The following ZNF577 variants were observed in gnomAD, a reference collection of about 807,000 sequenced individuals.
ZNF577 encodes the protein zinc finger protein 577.
Under a neutral mutation model 13.9 loss-of-function variants are expected in ZNF577, and 14 were observed. The observed-to-expected ratio is 1.00, with a 90% confidence interval of 0.66 to 1.57. The LOEUF (loss-of-function observed/expected upper bound fraction) is 1.57, where lower values mean the gene tolerates loss of function less well. Among genes scored for constraint, ZNF577 ranks in the 40% most tolerant of loss-of-function variants. The pLI is 0.00. For synonymous variants in ZNF577, 203 were observed against 202.9 expected, an observed-to-expected ratio of 1.00 and a Z score of 0.00; for missense variants, 555 against 579.2, an observed-to-expected ratio of 0.96 and a Z score of 0.43.
intron 10 of ZNF577, among the ~76,000 whole-genome samples, chr19:51,808,855 T>A (rs1004699292): frequency 2.0e-5 from 3 of 152,222 alleles, no homozygotes; most frequent in African/African-American, 7.2e-5. Context: ...GTGTCCGGCA[T>A]CCCATTGTTC....
intron 5 of ZNF577, among the ~76,000 whole-genome samples, chr19:51,850,251 T>G (rs2084373155): frequency 6.6e-6 from 1 of 152,188 alleles, no homozygotes. Flanking sequence ...ATGCCAGATA[T>G]GCTAACAATA....
downstream of ZNF577, among the ~76,000 whole-genome samples, chr19:51,864,630 G>C (rs931771727): frequency 2.6e-5 from 4 of 152,156 alleles, no homozygotes; most frequent in African/African-American, 4.8e-5. Context: ...AAATGGACTG[G>C]ATTTGTGGGA....
chr19:51,824,167 G>A lies in ZNF577; in HGVS notation c.*600-12493C>T, dbSNP rs762807147. On this transcript the variant is annotated intron_variant and NMD_transcript_variant, in intron 9 of 10. Transcript: ENST00000638827. The surrounding 1 kb of genome is among the most constrained non-coding windows in gnomAD (Gnocchi z 4.7). ...TGGGCCCAGAACCATCGCACCATGA[G>A]TCTGGCCAAGAGGGTGATGACGGGA... 4 of 1,613,974 alleles carry A rather than the reference G, an allele frequency of 2.5e-6. No homozygotes were observed. Among genetic ancestry groups the A allele is most frequent in the Non-Finnish European group, 2.5e-6 (3 of 1,180,006 alleles).
At chr19:51,861,268 A>AC (rs11386472) in intron 5 of ZNF577, 45,218 of 180,108 alleles carry the variant, frequency 0.25, 8,340 homozygotes, top group African/African-American at 0.53. Context: ...ACAGGTGTGC[A>AC]CACCACACCT....
At chr19:51,842,291 T>C (rs766841461) in intron 8 of ZNF577, among the ~76,000 whole-genome samples, 1 of 152,200 alleles carries the variant, frequency 6.6e-6, no homozygotes, top group Admixed American at 6.5e-5. Flanking sequence ...ACTCATCTGC[T>C]AGAAAGTTAA....
chr19:51,807,029 A>G (rs2084063740), intron 10 of ZNF577, among the ~76,000 whole-genome samples: 1 of 152,200 alleles, frequency 6.6e-6, no homozygotes, highest in Admixed American at 6.5e-5. Flanking sequence ...TATGGTTGAC[A>G]ATGTTGATTG....
intron 5 of ZNF577, chr19:51,861,952 C>T (rs2084507927): frequency 6.6e-6 from 1 of 151,560 alleles, no homozygotes; most frequent in South Asian, 2.1e-4. Context: ...ACAAAACCTT[C>T]CCACATCCAC....
At chr19:51,882,888 A>C (rs144281951) in intron 1 of ZNF577, among the ~76,000 whole-genome samples, 1,799 of 152,258 alleles carry the variant, frequency 0.012, 39 homozygotes, top group African/African-American at 0.041. Flanking sequence ...GGAGGAATGA[A>C]GCAGGGAGGA....
chr19:51,834,409 T>C (rs2084278170), intron 9 of ZNF577, among the ~76,000 whole-genome samples: 1 of 152,162 alleles, frequency 6.6e-6, no homozygotes, highest in African/African-American at 2.4e-5. Context: ...TAATACCCAA[T>C]ATAATTCTTT....
chr19:51,842,531 G>A (rs930667565), intron 8 of ZNF577, among the ~76,000 whole-genome samples: 2 of 152,126 alleles, frequency 1.3e-5, no homozygotes, highest in Non-Finnish European at 2.9e-5. Flanking sequence ...CCAGATACTG[G>A]TACCCTGATC....
chr19:51,873,715 G>C lies in ZNF577; in HGVS notation c.284-9C>G, dbSNP rs1227753788. ...ACTCTGGATTACAAAACCTAAATGA[G>C]ATTTCAAACTTTTACAATGCGAGCC... is the stretch of plus-strand genomic sequence containing the variant. On this transcript the variant is annotated splice_polypyrimidine_tract_variant and intron_variant, in intron 5 of 5. Coordinates refer to ENST00000638348, the MANE Select transcript of ZNF577 (RefSeq NM_001370449.1). The C allele has an allele frequency of 1.3e-6, 2 of 1,585,664 alleles. No homozygotes were observed. The highest frequency in any genetic ancestry group is 2.3e-5 in the South Asian group (2 of 87,624).
chr19:51,845,636 T>G (rs1356520051), intron 5 of ZNF577, among the ~76,000 whole-genome samples: 2 of 152,130 alleles, frequency 1.3e-5, no homozygotes, highest in Non-Finnish European at 2.9e-5. Context: ...ACCCTCTCCC[T>G]CCCCCAGCCT....
chr19:51,821,396 A>AG (rs1434590291), intron 9 of ZNF577, among the ~76,000 whole-genome samples: 16 of 152,154 alleles, frequency 1.1e-4, no homozygotes. Context: ...TCACTCCTGA[A>AG]GGGGGAGTTG....
At chr19:51,822,302 G>A (rs1162557623) in intron 9 of ZNF577, among the ~76,000 whole-genome samples, 1 of 152,160 alleles carries the variant, frequency 6.6e-6, no homozygotes, top group African/African-American at 2.4e-5. Context: ...AAAGCAAAAG[G>A]AATTCTAGTT....
rs2084671632 is a variant in ZNF577 at position 51,872,314 on chromosome 19, A to G, written c.*218T>C. 2.3e-6 allele frequency: 1 copy of G among 444,206 alleles called. No homozygotes were observed. The highest frequency in any genetic ancestry group is 4.0e-6 in the Non-Finnish European group (1 of 251,368). 27.5% of individuals were successfully genotyped at this position (444,206 alleles called of 1,614,324 possible). On this transcript the variant is annotated 3_prime_UTR_variant, in exon 6 of 6. Coordinates refer to ENST00000638348, the MANE Select transcript of ZNF577 (RefSeq NM_001370449.1). ...AAATATTCCTGTAAGAATTCTTTTG[A>G]TACCAATTGAGATATCATCTCCAGG... is the stretch of plus-strand genomic sequence containing the variant.
intron 1 of ZNF577, among the ~76,000 whole-genome samples, chr19:51,884,860 TAAC>T (rs2122731682): frequency 6.6e-6 from 1 of 152,346 alleles, no homozygotes; most frequent in Admixed American, 6.5e-5. Context: ...ATGGCATAAT[TAAC>T]AATCATTCTG....
At position 51,824,057 on chromosome 19, in the gene ZNF577, T is replaced by A. The variant is rs1314595306; in HGVS notation, c.*600-12383A>T. On this transcript the variant is annotated intron_variant and NMD_transcript_variant, in intron 9 of 10. Transcript: ENST00000638827. The surrounding 1 kb of genome is among the most constrained non-coding windows in gnomAD (Gnocchi z 4.7). The stretch of plus-strand genomic sequence containing the variant: ...CATTCCTATGTAAGTTAGTTCATGT[T>A]ATGATAGACATCAACCTGTTTGTCA... The A allele has an allele frequency of 6.2e-7, 1 of 1,614,056 alleles. No individual in the cohort carries two copies. Among genetic ancestry groups the A allele is most frequent in the Non-Finnish European group, 8.5e-7 (1 of 1,180,012 alleles).
intron 5 of ZNF577, 31 bp from the exon 6 acceptor site, chr19:51,873,737 A>G: frequency 6.6e-7 from 1 of 1,508,458 alleles, no homozygotes; most frequent in South Asian, 1.2e-5. Flanking sequence ...TTACAATGCG[A>G]GCCAAACTTA....
At chr19:51,847,282 A>G (rs867128636) in intron 5 of ZNF577, among the ~76,000 whole-genome samples, 2 of 152,154 alleles carry the variant, frequency 1.3e-5, no homozygotes, top group Admixed American at 6.5e-5. Context: ...TAATACCTCA[A>G]TGTAAAATAC....
Sources: gnomAD v4.1 joint callset for allele counts (sites outside exome capture counted in the v4.1 genomes callset) on GRCh38, gnomAD v4.1.1 for gene constraint, Gnocchi (gnomAD v3.1) non-coding constraint, MANE v1.5 for transcripts, NCBI Gene and HGNC (gene_info 2026-07-23, HGNC 2026-07-21) for gene names.